Variants in HSPBAP1 observed in about 807,000 individuals in gnomAD.
HSPBAP1 encodes the protein HSPB1-associated protein 1.
HSPBAP1 carries 27 observed loss-of-function variants against 45.2 expected under a neutral mutation model. The observed-to-expected ratio is 0.60, with a 90% CI of 0.44 to 0.82. The LOEUF (loss-of-function observed/expected upper bound fraction) is 0.82. HSPBAP1 is among the 40% of genes least tolerant of loss of function. The pLI is 0.00. For synonymous variants in HSPBAP1, 204 were observed against 202.7 expected, an observed-to-expected ratio of 1.01 and a Z score of -0.06; for missense variants, 510 against 590.9, an observed-to-expected ratio of 0.86 and a Z score of 1.42.
intron 1 of HSPBAP1, among the ~76,000 whole-genome samples, chr3:122,778,793 G>C (rs1427098278): frequency 6.6e-6 from 1 of 152,078 alleles, no homozygotes; most frequent in East Asian, 1.9e-4. Flanking sequence ...GCCTCCCAAA[G>C]TGCTGGAATT....
chr3:122,748,183 G>GCGTGCT (rs1933984857), intron 6 of HSPBAP1, among the ~76,000 whole-genome samples: 1 of 152,146 alleles, frequency 6.6e-6, no homozygotes, highest in Admixed American at 6.5e-5. Context: ...CTTGAAGGCA[G>GCGTGCT]CGTGCTCGTT....
intron 3 of HSPBAP1, among the ~76,000 whole-genome samples, chr3:122,767,013 A>C (rs961435959): frequency 3.3e-5 from 5 of 152,228 alleles, no homozygotes; most frequent in African/African-American, 1.2e-4. Flanking sequence ...TATGAGAAAC[A>C]TAACAAAACA....
chr3:122,780,107 C>G, intron 1 of HSPBAP1, among the ~76,000 whole-genome samples: 1 of 150,182 alleles, frequency 6.7e-6, no homozygotes, highest in African/African-American at 2.4e-5. Flanking sequence ...CCCCTCACCT[C>G]CCGGACGGGG....
chr3:122,755,529 A>C (rs1455471880), intron 4 of HSPBAP1, 98 bp from the exon 5 acceptor site: 2 of 920,988 alleles, frequency 2.2e-6, no homozygotes, highest in South Asian at 2.1e-5. Flanking sequence ...TTACTTGTTT[A>C]AATTCAATCC....
At chr3:122,775,468 A>AT (rs965495724) in intron 2 of HSPBAP1, among the ~76,000 whole-genome samples, 13 of 151,620 alleles carry the variant, frequency 8.6e-5, no homozygotes, top group African/African-American at 1.7e-4. Flanking sequence ...AATAGTTATA[A>AT]TTTTTTTTTC....
chr3:122,745,264 C>T (rs1173724500), intron 6 of HSPBAP1, among the ~76,000 whole-genome samples: 3 of 151,758 alleles, frequency 2.0e-5, no homozygotes, highest in Non-Finnish European at 4.4e-5. Flanking sequence ...CCTGAAAACC[C>T]CAGAAAGTCA....
intron 4 of HSPBAP1, 64 bp from the exon 5 acceptor site, chr3:122,755,495 A>T: frequency 8.4e-7 from 1 of 1,190,468 alleles, no homozygotes. Context: ...AACATGGAAG[A>T]AGACAAAAGC....
chr3:122,769,596 T>G (rs1934913322), intron 2 of HSPBAP1, among the ~76,000 whole-genome samples: 1 of 152,238 alleles, frequency 6.6e-6, no homozygotes, highest in Non-Finnish European at 1.5e-5. Context: ...TTACAAAACA[T>G]GAAATCCTTT....
intron 1 of HSPBAP1, among the ~76,000 whole-genome samples, chr3:122,792,864 C>T (rs141665038): frequency 0.026 from 2,965 of 116,084 alleles, 49 homozygotes; most frequent in Non-Finnish European, 0.035. Context: ...AGCGAGACTC[C>T]GTCTCAAAAA....
intron 1 of HSPBAP1, among the ~76,000 whole-genome samples, chr3:122,782,630 G>A (rs924059038): frequency 2.0e-5 from 3 of 151,890 alleles, no homozygotes; most frequent in African/African-American, 7.3e-5. Flanking sequence ...GAGAATGTAG[G>A]GATGCTCCTT....
At chr3:122,761,658 G>A (rs1934590093) in intron 3 of HSPBAP1, 1 of 148,338 alleles carries the variant, frequency 6.7e-6, no homozygotes, top group Non-Finnish European at 1.5e-5. Context: ...GTGGTGGCAT[G>A]CACCTGTGGT....
intron 3 of HSPBAP1, among the ~76,000 whole-genome samples, chr3:122,768,014 A>G (rs1934848823): frequency 6.6e-6 from 1 of 152,198 alleles, no homozygotes; most frequent in Non-Finnish European, 1.5e-5. Flanking sequence ...CCTAAGACAC[A>G]TGGCAACAAG....
intron 2 of HSPBAP1, among the ~76,000 whole-genome samples, chr3:122,770,182 G>A (rs932888120): frequency 1.3e-5 from 2 of 152,178 alleles, no homozygotes; most frequent in African/African-American, 4.8e-5. Context: ...CTAAGCCACA[G>A]AATGGCAGAG....
intron 2 of HSPBAP1, among the ~76,000 whole-genome samples, chr3:122,773,303 G>GTTTTT (rs36065763): frequency 2.4e-5 from 2 of 84,422 alleles, no homozygotes; most frequent in Non-Finnish European, 2.2e-5. Flanking sequence ...AAATAAATGT[G>GTTTTT]TTTTTTTTTT....
At chr3:122,780,876 G>A (rs1243014034) in intron 1 of HSPBAP1, among the ~76,000 whole-genome samples, 1 of 123,252 alleles carries the variant, frequency 8.1e-6, no homozygotes, top group Non-Finnish European at 1.9e-5. Context: ...CCTCCCAGAC[G>A]GGGTCGCGGC....
At chr3:122,792,182 C>T (rs1277293105) in intron 1 of HSPBAP1, among the ~76,000 whole-genome samples, 1 of 152,176 alleles carries the variant, frequency 6.6e-6, no homozygotes, top group East Asian at 1.9e-4. Context: ...ATCTCAAGCC[C>T]ATACTGACTG....
intron 5 of HSPBAP1, chr3:122,754,766 A>C: frequency 1.0e-6 from 1 of 985,844 alleles, no homozygotes; most frequent in African/African-American, 1.7e-5. Context: ...AATGTTTCAG[A>C]GTTAGTAATT....
intron 1 of HSPBAP1, among the ~76,000 whole-genome samples, chr3:122,780,430 GCTC>G (rs2107535315): frequency 8.6e-6 from 1 of 115,636 alleles, no homozygotes; most frequent in East Asian, 2.5e-4. Context: ...GGGCAGAGGG[GCTC>G]CTCACTTCCC....
chr3:122,746,136 T>C (rs1933839227), intron 6 of HSPBAP1, among the ~76,000 whole-genome samples: 1 of 152,250 alleles, frequency 6.6e-6, no homozygotes, highest in Admixed American at 6.5e-5. Flanking sequence ...AAAAGAAATG[T>C]GCAAAGCTTA....
Sources: allele counts gnomAD v4.1 joint callset (sites outside exome capture counted in the v4.1 genomes callset), GRCh38; gene constraint gnomAD v4.1.1; transcripts MANE v1.5; gene names NCBI Gene and HGNC (gene_info 2026-07-23, HGNC 2026-07-21).